Variants in SNX13 observed in about 807,000 individuals in gnomAD.
SNX13 encodes sorting nexin 13, also known as sorting nexin-13.
Under a neutral mutation model 133.6 loss-of-function variants are expected in SNX13, and 45 were observed. The observed-to-expected ratio is 0.34, with a 90% CI of 0.27 to 0.43. SNX13 has a LOEUF of 0.43. Among genes scored for constraint, SNX13 ranks in the 20% least tolerant of loss-of-function variants. The pLI, the probability that SNX13 is intolerant of heterozygous loss-of-function variation, is 1.00. For missense variants in SNX13, 1,032 were observed against 1,145.1 expected (o/e 0.90, Z 1.43); for synonymous variants, 414 against 373.9 (o/e 1.11, Z -1.24).
chr7:17,909,330 C>G (rs936479868), intron 1 of SNX13, among the ~76,000 whole-genome samples: 2 of 152,118 alleles, frequency 1.3e-5, no homozygotes, highest in African/African-American at 4.8e-5. Context: ...TACGACTTGA[C>G]CCAGCAATCC....
chr7:17,850,593 TA>T (rs746927144), intron 10 of SNX13, among the ~76,000 whole-genome samples, 158 bp from the exon 11 acceptor site: 17 of 152,170 alleles, frequency 1.1e-4, no homozygotes, highest in Non-Finnish European at 2.2e-4. Context: ...ATTATTTAAT[TA>T]AAAGTAAACC....
At chr7:17,891,674 G>T in intron 3 of SNX13, 39 bp from the exon 4 acceptor site, 4 of 1,439,418 alleles carry the variant, frequency 2.8e-6, no homozygotes, top group Non-Finnish European at 3.9e-6. Context: ...GTAGTTTTCT[G>T]ATGTAAAATC....
chr7:17,861,851 T>G (rs1346490179), intron 9 of SNX13, among the ~76,000 whole-genome samples: 1 of 152,210 alleles, frequency 6.6e-6, no homozygotes, highest in Non-Finnish European at 1.5e-5. Context: ...CACTTGGGTC[T>G]CTTCCAGTGT....
intron 8 of SNX13, among the ~76,000 whole-genome samples, chr7:17,871,378 C>T (rs1352832721): frequency 6.6e-6 from 1 of 152,134 alleles, no homozygotes; most frequent in Non-Finnish European, 1.5e-5. Flanking sequence ...GGGGAAAATG[C>T]CAGTGTGGCT....
At position 17,910,943 on chromosome 7, in the gene SNX13, A is replaced by T. The variant is rs577039376; in HGVS notation, c.13-13497T>A. Among the ~76,000 whole-genome samples, 12 of 152,326 alleles carry T rather than the reference A, an allele frequency of 7.9e-5. No individual in the cohort carries two copies. In the East Asian group the frequency reaches 2.3e-3, roughly 29 times the overall value. On this transcript the variant is annotated intron_variant, in intron 1 of 25. Coordinates refer to ENST00000428135, the MANE Select transcript of SNX13 (RefSeq NM_015132.5). The stretch of plus-strand genomic sequence containing the variant: ...ACAGTCTTCTTTTTAGGGTGATAAA[A>T]ATGTTCTGACACTAATTAGAGGTGG...
At chr7:17,911,236 G>A (rs1159156203) in intron 1 of SNX13, among the ~76,000 whole-genome samples, 1 of 152,130 alleles carries the variant, frequency 6.6e-6, no homozygotes, top group Non-Finnish European at 1.5e-5. Context: ...TGTATCTGTA[G>A]CACTGAATTT....
intron 8 of SNX13, among the ~76,000 whole-genome samples, chr7:17,868,857 G>A (rs1243143188): frequency 6.6e-6 from 1 of 151,870 alleles, no homozygotes; most frequent in Non-Finnish European, 1.5e-5. Flanking sequence ...GAAAAGGGAA[G>A]GATACAAACT....
intron 11 of SNX13, among the ~76,000 whole-genome samples, chr7:17,849,284 GTTA>G (rs1324025816): frequency 1.3e-5 from 2 of 152,056 alleles, no homozygotes; most frequent in African/African-American, 4.8e-5. Context: ...TTATCCTTGA[GTTA>G]TTTTTTCTTT....
chr7:17,874,098 A>G (rs1794420223), intron 7 of SNX13, among the ~76,000 whole-genome samples: 1 of 152,224 alleles, frequency 6.6e-6, no homozygotes, highest in South Asian at 2.1e-4. Flanking sequence ...ACATAAAAGT[A>G]TTGCACATCA....
intron 13 of SNX13, among the ~76,000 whole-genome samples, chr7:17,836,457 C>G (rs542554167): frequency 6.6e-6 from 1 of 152,134 alleles, no homozygotes; most frequent in Non-Finnish European, 1.5e-5. Flanking sequence ...GCAAAGGGTG[C>G]AGTGAGATTA....
At chr7:17,877,039 CT>C (rs72100600) in intron 5 of SNX13, among the ~76,000 whole-genome samples, 22,925 of 72,694 alleles carry the variant, frequency 0.32, 3,372 homozygotes, top group East Asian at 0.61. Flanking sequence ...ATTACTGTTA[CT>C]TTTTGAAAAA....
chr7:17,862,889 G>C (rs1027002017), intron 9 of SNX13, among the ~76,000 whole-genome samples: 1 of 152,284 alleles, frequency 6.6e-6, no homozygotes, highest in African/African-American at 2.4e-5. Context: ...AATTAGGTGA[G>C]TGATCACAGT....
intron 4 of SNX13, among the ~76,000 whole-genome samples, 199 bp from the exon 5 acceptor site, chr7:17,890,683 T>A (rs895048906): frequency 2.0e-5 from 3 of 151,482 alleles, no homozygotes; most frequent in Non-Finnish European, 2.9e-5. Context: ...TATTCTGGTA[T>A]CCCAACTTAC....
At chr7:17,810,816 G>A (rs992035364) in intron 20 of SNX13, among the ~76,000 whole-genome samples, 1 of 152,082 alleles carries the variant, frequency 6.6e-6, no homozygotes, top group African/African-American at 2.4e-5. Flanking sequence ...CAATCAAGTT[G>A]GCTTCATCCC....
In SNX13 at chr7:17,875,736, A is replaced by G; in HGVS notation, c.495T>C (p.Phe165=). 6 of 1,612,808 alleles carry G rather than the reference A, an allele frequency of 3.7e-6. No homozygotes were observed. Among genetic ancestry groups the G allele is most frequent in the Non-Finnish European group, 5.1e-6 (6 of 1,179,264 alleles). Residue 165 remains phenylalanine (F), a synonymous_variant, in exon 6 of 26, where the codon TTT becomes TTC. Transcript: ENST00000428135. ...TTCTGAATACTCGTAAGTGTGTGCC[A>G]AAGTCATCTACAATGCGTGTAGTAA... The part of the protein sequence containing the change: ...PYFTTRIVDD[F]GTHLRVFRKA...
At chr7:17,811,050 C>G (rs905863072) in intron 20 of SNX13, among the ~76,000 whole-genome samples, 3 of 152,128 alleles carry the variant, frequency 2.0e-5, no homozygotes, top group African/African-American at 7.2e-5. Context: ...CAATATCATA[C>G]TGAATGGGCA....
At chr7:17,829,462 AC>A (rs1788241546) in intron 16 of SNX13, among the ~76,000 whole-genome samples, 1 of 151,496 alleles carries the variant, frequency 6.6e-6, no homozygotes, top group Non-Finnish European at 1.5e-5. Context: ...TGCCATTCTA[AC>A]CTCTAATCAT....
chr7:17,906,761 AT>A (rs1311374910), intron 1 of SNX13, among the ~76,000 whole-genome samples: 1 of 152,228 alleles, frequency 6.6e-6, no homozygotes, highest in Non-Finnish European at 1.5e-5. Context: ...TCAAGGAATC[AT>A]AACTCTTTAT....
chr7:17,845,643 G>A lies in SNX13; in HGVS notation c.1117C>T (p.Pro373Ser). The A allele has an allele frequency of 6.2e-7, 1 of 1,602,114 alleles. No individual in the cohort carries two copies. Among genetic ancestry groups the A allele is most frequent in the Non-Finnish European group, 8.5e-7 (1 of 1,174,502 alleles). The change falls in exon 12 of 26, where the codon CCC (proline) becomes TCC (serine). Residue 373 changes from proline to serine, a missense_variant. Physicochemically the swap from Pro to Ser is moderately conservative, Grantham distance 74. Transcript: ENST00000428135. ...TTGTCTACAAGAATGCTGTCCAGGG[G>A]GACTGTGCAAAGTTTCCCAAAGTTT... The part of the protein sequence containing the change: ...AANFGKLCTV[P>S]LDSILVDNVA...
Sources: allele counts gnomAD v4.1 joint callset (sites outside exome capture counted in the v4.1 genomes callset), GRCh38; gene constraint gnomAD v4.1.1; transcripts MANE v1.5; gene names NCBI Gene and HGNC (gene_info 2026-07-23, HGNC 2026-07-21).